HOXB3: variants seen among roughly 807,000 people sequenced by gnomAD.
The protein encoded by HOXB3 is homeobox B3.
Under a neutral mutation model 29.2 loss-of-function variants are expected in HOXB3, and 17 were observed. The observed-to-expected ratio is 0.58, with a 90% CI of 0.40 to 0.87. The LOEUF (loss-of-function observed/expected upper bound fraction) is 0.87, where lower values mean the gene tolerates loss of function less well. Among genes scored for constraint, HOXB3 ranks in the 40% least tolerant of loss-of-function variants. The pLI is 0.00. For synonymous variants in HOXB3, 317 were observed against 285.9 expected (o/e 1.11, Z -1.10); for missense variants, 637 against 616.3 (o/e 1.03, Z -0.35).
chr17:48,562,395 G>C (rs909302935), intron 2 of HOXB3, among the ~76,000 whole-genome samples: 2 of 151,936 alleles, frequency 1.3e-5, no homozygotes, highest in Non-Finnish European at 1.5e-5. Context: ...TGTCCCTCAT[G>C]ACAAAGTTCC....
At chr17:48,564,390 G>A (rs1341321123) in intron 2 of HOXB3, among the ~76,000 whole-genome samples, 3 of 151,920 alleles carry the variant, frequency 2.0e-5, no homozygotes, top group African/African-American at 7.3e-5. Context: ...GCGTCCCGCC[G>A]AGCTGGGGGA....
At chr17:48,569,953 G>A (rs922214910) in intron 2 of HOXB3, among the ~76,000 whole-genome samples, 3 of 152,160 alleles carry the variant, frequency 2.0e-5, no homozygotes, top group African/African-American at 4.8e-5. Context: ...CTGGGACTAA[G>A]GTTTCTACAC....
At chr17:48,567,649 CT>C (rs1237437405) in intron 2 of HOXB3, among the ~76,000 whole-genome samples, 1 of 152,206 alleles carries the variant, frequency 6.6e-6, no homozygotes, top group African/African-American at 2.4e-5. Context: ...CGTTTGCTCC[CT>C]TTTTGGATGG....
chr17:48,571,270 G>C lies in HOXB3; in HGVS notation c.-247+2567C>G, dbSNP rs894647483. On this transcript the variant is annotated intron_variant, in intron 2 of 4. Coordinates refer to ENST00000498678, the MANE Select transcript of HOXB3 (RefSeq NM_001384749.1). ...TCCGTCAGCGCTCAACTCACGCTGA[G>C]AAACTTCCCAACTCCGTTTTCCAAC... 3.9e-5 allele frequency among the ~76,000 whole-genome samples: 6 copies of C among 152,330 alleles called. No individual in the cohort carries two copies. In the East Asian group the frequency reaches 1.2e-3, roughly 29 times the overall value.
At chr17:48,588,691 G>A (rs1278153321) in intron 1 of HOXB3, among the ~76,000 whole-genome samples, 1 of 152,182 alleles carries the variant, frequency 6.6e-6, no homozygotes, top group African/African-American at 2.4e-5. Context: ...CTTTCTAAGG[G>A]ATACAAATGC....
intron 1 of HOXB3, chr17:48,579,846 G>C (rs2069887959): frequency 4.0e-6 from 2 of 498,464 alleles, no homozygotes; most frequent in South Asian, 1.6e-5. Flanking sequence ...TAAGAGCGGA[G>C]TGTTTATGTC....
intron 2 of HOXB3, among the ~76,000 whole-genome samples, chr17:48,566,163 G>A (rs2069380302): frequency 6.6e-6 from 1 of 152,270 alleles, no homozygotes; most frequent in Middle Eastern, 3.4e-3. Context: ...TGGGGTGGAG[G>A]GTGCAGGACT....
At chr17:48,575,939 C>CT (rs2069742752) in intron 1 of HOXB3, 1 of 152,338 alleles carries the variant, frequency 6.6e-6, no homozygotes, top group South Asian at 2.1e-4. Flanking sequence ...TCCCGGGTCT[C>CT]TGAGTCTCTC....
In HOXB3 at chr17:48,552,644, G is replaced by C. The variant is rs890100189; in HGVS notation, c.-158-12C>G. 6 of 572,784 alleles carry C rather than the reference G, an allele frequency of 1.0e-5. No homozygotes were observed. The highest frequency in any genetic ancestry group is 9.7e-5 in the South Asian group (4 of 41,430). 35.5% of individuals were successfully genotyped at this position (572,784 alleles called of 1,614,324 possible). A position where few individuals can be genotyped will look rare whatever the true frequency, so the allele number is the denominator to read the frequency against. The stretch of plus-strand genomic sequence containing the variant: ...TCCAAGCGGCTGACCTGCGAGGCGA[G>C]AGAAGAGACACAAGGGGGAGAAGAG... On this transcript the variant is annotated splice_polypyrimidine_tract_variant and intron_variant, in intron 3 of 4. Transcript: ENST00000498678.
Position 48,552,001 on chromosome 17 carries a change from G to GC in HOXB3, c.448+25_448+26insG, listed in dbSNP as rs1401940512. Reference sequence around the variant, plus strand: ...CATTCCTGGCTCCGACAAAAGCTGAGGACAAGGAAGGCAGAGAACTGGTAC... The same window carrying GC: ...CATTCCTGGCTCCGACAAAAGCTGAGCGACAAGGAAGGCAGAGAACTGGTAC... On this transcript the variant is annotated intron_variant, in intron 4 of 4. Coordinates refer to ENST00000498678, the MANE Select transcript of HOXB3 (RefSeq NM_001384749.1). 4 of 1,536,118 alleles carry GC rather than the reference G, an allele frequency of 2.6e-6. No homozygotes were observed. In the South Asian group the frequency reaches 5.1e-5, roughly 19 times the overall value.
At chr17:48,565,437 CTG>C (rs1036174482) in intron 2 of HOXB3, among the ~76,000 whole-genome samples, 41 of 152,362 alleles carry the variant, frequency 2.7e-4, no homozygotes, top group African/African-American at 9.9e-4. Flanking sequence ...GGGCTTCCCT[CTG>C]TGCCTGCTCC....
At chr17:48,576,941 C>T (rs201545381) in intron 1 of HOXB3, 2 of 1,614,214 alleles carry the variant, frequency 1.2e-6, no homozygotes, top group East Asian at 2.2e-5. Context: ...AGTGAAATTC[C>T]TTCTCCAGCT....
intron 3 of HOXB3, chr17:48,553,088 G>A (rs1380093919): frequency 6.6e-6 from 1 of 152,312 alleles, no homozygotes; most frequent in Admixed American, 6.5e-5. Flanking sequence ...CCCAAGCAAA[G>A]TCTAGCCTGA....
Position 48,550,191 on chromosome 17 carries a change from G to A in HOXB3, c.*143C>T, listed in dbSNP as rs1226934920. The stretch of plus-strand genomic sequence containing the variant: ...AGCAACCTCTCAGGCCAGGGGGAAG[G>A]GAAGGAGCTCCAGGCCGGTTCTGAC... On this transcript the variant is annotated 3_prime_UTR_variant, in exon 5 of 5. Transcript: ENST00000498678. The A allele has an allele frequency of 5.6e-6, 6 of 1,076,708 alleles. No homozygotes were observed. The highest frequency in any genetic ancestry group is 7.9e-6 in the Non-Finnish European group (6 of 761,000). The allele number at this position is 1,076,708 out of a possible 1,614,324, so 66.7% of individuals were successfully genotyped here.
intron 1 of HOXB3, chr17:48,578,216 G>C: frequency 6.2e-7 from 1 of 1,613,906 alleles, no homozygotes; most frequent in Non-Finnish European, 8.5e-7. Flanking sequence ...GTAGTACCCG[G>C]GCGAGTGGTC....
chr17:48,574,924 T>C (rs1567961921), intron 1 of HOXB3: 1 of 152,258 alleles, frequency 6.6e-6, no homozygotes, highest in Non-Finnish European at 1.5e-5. Context: ...GTTTGAGCTA[T>C]GGCACTGGCT....
intron 2 of HOXB3, among the ~76,000 whole-genome samples, chr17:48,564,143 G>T (rs995219183): frequency 6.6e-6 from 1 of 151,932 alleles, no homozygotes; most frequent in Admixed American, 6.5e-5. Flanking sequence ...GCCTGGGGGC[G>T]GGGGTCTCAG....
intron 2 of HOXB3, chr17:48,556,811 C>T (rs2144778054): frequency 6.6e-6 from 1 of 152,154 alleles, no homozygotes; most frequent in East Asian, 1.9e-4. Context: ...GTGATAAGGA[C>T]ATTTGTACTT....
chr17:48,566,312 T>A (rs2069384766), intron 2 of HOXB3, among the ~76,000 whole-genome samples: 1 of 152,092 alleles, frequency 6.6e-6, no homozygotes, highest in Non-Finnish European at 1.5e-5. Flanking sequence ...ATTTACCAGA[T>A]AATGGTGGCA....
Sources: allele counts gnomAD v4.1 joint callset (sites outside exome capture counted in the v4.1 genomes callset), GRCh38; gene constraint gnomAD v4.1.1; transcripts MANE v1.5; gene names NCBI Gene and HGNC (gene_info 2026-07-23, HGNC 2026-07-21).